The following KIRREL3 variants were observed in gnomAD, a reference collection of about 807,000 sequenced individuals.
KIRREL3 encodes kin of IRRE-like protein 3.
Under a neutral mutation model 89.7 loss-of-function variants are expected in KIRREL3, and 36 were observed. The ratio of observed to expected loss-of-function variants is 0.40; its 90% CI spans 0.31 to 0.53. The LOEUF is 0.53. Ranked by LOEUF, KIRREL3 falls within the 20% of genes least tolerant of loss-of-function variation. The pLI is 0.49. For missense variants in KIRREL3, 864 were observed against 1,056.6 expected (o/e 0.82, Z 2.53); for synonymous variants, 445 against 441.4 (o/e 1.01, Z -0.10).
Position 126,953,276 on chromosome 11 carries a change from CG to C in KIRREL3, c.55+47178del, listed in dbSNP as rs974484895. Among the ~76,000 whole-genome samples the C allele has an allele frequency of 6.7e-6, 1 of 150,284 alleles. No homozygotes were observed. Among genetic ancestry groups the C allele is most frequent in the African/African-American group, 2.5e-5 (1 of 40,642 alleles). On this transcript the variant is annotated intron_variant, in intron 1 of 16. Transcript: ENST00000525144. This position sits in a 1 kb window ranked among gnomAD's most constrained non-coding sequence, Gnocchi z 5.2. The stretch of plus-strand genomic sequence containing the variant: ...CATGTTCTCACTCATAAGTGGGTGT[CG>C]AACAATGAGAACACATGGACACAGG...
At chr11:126,952,363 C>A (rs147117071) in intron 1 of KIRREL3, among the ~76,000 whole-genome samples, 9 of 151,128 alleles carry the variant, frequency 6.0e-5, no homozygotes, top group African/African-American at 9.8e-5. Flanking sequence ...CCAGACTGGG[C>A]GAAAGAGCAA....
At position 126,883,482 on chromosome 11, in the gene KIRREL3, C is replaced by T. The variant is rs1945583191; in HGVS notation, c.55+116973G>A. The stretch of plus-strand genomic sequence containing the variant: ...CACCGTCACAATTTCCATGACCTTA[C>T]TCATGCTGGCAACTCTGCTTGAAAC... On this transcript the variant is annotated intron_variant, in intron 1 of 16. Transcript: ENST00000525144. This position sits in a 1 kb window ranked among gnomAD's most constrained non-coding sequence, Gnocchi z 4.1. Among the ~76,000 whole-genome samples, 2 of 152,108 alleles carry T rather than the reference C, an allele frequency of 1.3e-5. No homozygotes were observed. The highest frequency in any genetic ancestry group is 4.8e-5 in the African/African-American group (2 of 41,422).
At chr11:126,875,684 TG>T (rs1464173857) in intron 1 of KIRREL3, among the ~76,000 whole-genome samples, 2 of 152,240 alleles carry the variant, frequency 1.3e-5, no homozygotes, top group African/African-American at 4.8e-5. Flanking sequence ...AAAGTGACAG[TG>T]CTCTGGATAA....
In KIRREL3 at chr11:126,748,071, T is replaced by C. The variant is rs1252288493; in HGVS notation, c.56-185159A>G. 6.6e-6 allele frequency among the ~76,000 whole-genome samples: 1 copy of C among 152,176 alleles called. No homozygotes were observed. The highest frequency in any genetic ancestry group is 1.5e-5 in the Non-Finnish European group (1 of 68,024). On this transcript the variant is annotated intron_variant, in intron 1 of 16. Transcript: ENST00000525144. This position sits in a 1 kb window ranked among gnomAD's most constrained non-coding sequence, Gnocchi z 4.6. ...GTGACTGATTTATCTGCTCCTTGAA[T>C]CTGAGGAGGTTCACCTTTTAAGGTG...
chr11:126,612,204 A>C lies in KIRREL3; in HGVS notation c.56-49292T>G, dbSNP rs1437010211. ...TGGCATATAATAAGTGCTCCCTCAGAATTTGAGTATTATATGGACACCCTT... is the reference window on the plus strand; with the variant it reads ...TGGCATATAATAAGTGCTCCCTCAGCATTTGAGTATTATATGGACACCCTT... On this transcript the variant is annotated intron_variant, in intron 1 of 16. Coordinates refer to ENST00000525144, the MANE Select transcript of KIRREL3 (RefSeq NM_032531.4). The surrounding 1 kb of genome is among the most constrained non-coding windows in gnomAD (Gnocchi z 4.5). Among the ~76,000 whole-genome samples, 1 of 151,818 alleles carries C rather than the reference A, an allele frequency of 6.6e-6. No homozygotes were observed. The highest frequency in any genetic ancestry group is 1.5e-5 in the Non-Finnish European group (1 of 67,934).
intron 1 of KIRREL3, among the ~76,000 whole-genome samples, chr11:126,721,946 T>A (rs551492631): frequency 1.3e-5 from 2 of 152,318 alleles, no homozygotes; most frequent in African/African-American, 4.8e-5. Context: ...TCCAGAACCA[T>A]TTGTGAGTGC....
chr11:126,690,724 C>T (rs11220583), intron 1 of KIRREL3, among the ~76,000 whole-genome samples: 74,625 of 152,066 alleles, frequency 0.49, 20,159 homozygotes, highest in East Asian at 0.82. Flanking sequence ...TAGAAAGTTT[C>T]GTCTACAATA....
rs1216775993 is a variant in KIRREL3, at chr11:126,704,481, CTG to C, written c.56-141571_56-141570del. Reference sequence around the variant, plus strand: ...CAGTCTTGTCACTTAGAAGGTCTGTCTGAGAGACCTTGGTGGAGTGCAGCTTC... The same window carrying C: ...CAGTCTTGTCACTTAGAAGGTCTGTCAGAGACCTTGGTGGAGTGCAGCTTC... On this transcript the variant is annotated intron_variant, in intron 1 of 16. Transcript: ENST00000525144. This position sits in a 1 kb window ranked among gnomAD's most constrained non-coding sequence, Gnocchi z 4.2. Among the ~76,000 whole-genome samples, 4 of 152,224 alleles carry C rather than the reference CTG, an allele frequency of 2.6e-5. No homozygotes were observed. The highest frequency in any genetic ancestry group is 9.6e-5 in the African/African-American group (4 of 41,464).
chr11:126,663,375 C>T (rs919506070), intron 1 of KIRREL3, among the ~76,000 whole-genome samples: 21 of 151,808 alleles, frequency 1.4e-4, no homozygotes, highest in African/African-American at 3.4e-4. Context: ...TTAGTAGAGA[C>T]GGGGTTTCAC....
chr11:126,445,870 T>C (rs1315105649), intron 9 of KIRREL3, among the ~76,000 whole-genome samples: 1 of 152,168 alleles, frequency 6.6e-6, no homozygotes, highest in African/African-American at 2.4e-5. Flanking sequence ...ACACAAGGGC[T>C]GGACACGGTG....
Position 126,909,705 on chromosome 11 carries a change from C to A in KIRREL3, c.55+90750G>T, listed in dbSNP as rs189843869. On this transcript the variant is annotated intron_variant, in intron 1 of 16. Transcript: ENST00000525144. The surrounding 1 kb of genome is among the most constrained non-coding windows in gnomAD (Gnocchi z 4.5). ...TTGCTCTCCATAACCCTAGGGGAGG[C>A]AGGATCTTGACCTCAGAGATGACCT... Among the ~76,000 whole-genome samples the A allele has an allele frequency of 4.1e-3, 628 of 152,256 alleles. 2 individuals carry two copies. The highest frequency in any genetic ancestry group is 0.014 in the African/African-American group (587 of 41,546).
intron 1 of KIRREL3, among the ~76,000 whole-genome samples, chr11:126,972,615 C>T (rs539608536): frequency 1.3e-5 from 2 of 152,280 alleles, no homozygotes; most frequent in Admixed American, 6.5e-5. Flanking sequence ...TTATTTAGGC[C>T]ACCACAGAGC....
In KIRREL3 at chr11:126,837,970, G is replaced by T. The variant is rs1000102371; in HGVS notation, c.55+162485C>A. 6.6e-6 allele frequency among the ~76,000 whole-genome samples: 1 copy of T among 152,050 alleles called. No individual in the cohort carries two copies. The highest frequency in any genetic ancestry group is 1.9e-4 in the East Asian group (1 of 5,190). ...GATTTATCATTATCTTGGGTTATTT[G>T]GAATTCACGTTATTTATATTACTAA... is the stretch of plus-strand genomic sequence containing the variant. On this transcript the variant is annotated intron_variant, in intron 1 of 16. Coordinates refer to ENST00000525144, the MANE Select transcript of KIRREL3 (RefSeq NM_032531.4). The surrounding 1 kb of genome is among the most constrained non-coding windows in gnomAD (Gnocchi z 4.7).
chr11:126,602,335 C>T (rs1942696700), intron 1 of KIRREL3, among the ~76,000 whole-genome samples: 1 of 152,204 alleles, frequency 6.6e-6, no homozygotes, highest in South Asian at 2.1e-4. Flanking sequence ...AGCTTTCTAG[C>T]TCTTCTCCCA....
chr11:126,738,006 C>G (rs1948860659), intron 1 of KIRREL3, among the ~76,000 whole-genome samples: 1 of 152,178 alleles, frequency 6.6e-6, no homozygotes, highest in African/African-American at 2.4e-5. Context: ...CATTAACCAT[C>G]CCACTTTATC....
chr11:126,456,336 C>G lies in KIRREL3; in HGVS notation c.848+13G>C. On this transcript the variant is annotated intron_variant, in intron 7 of 16. Coordinates refer to ENST00000525144, the MANE Select transcript of KIRREL3 (RefSeq NM_032531.4). ...CAGTGGCCAGGCCGGGCCCCCTCAG[C>G]AGTGACTCTCACCTGTACTGGGTGA... The G allele has an allele frequency of 6.4e-7, 1 of 1,556,182 alleles. No homozygotes were observed. The highest frequency in any genetic ancestry group is 8.7e-7 in the Non-Finnish European group (1 of 1,145,476).
At position 126,870,502 on chromosome 11, in the gene KIRREL3, C is replaced by T. The variant is rs1945073024; in HGVS notation, c.55+129953G>A. On this transcript the variant is annotated intron_variant, in intron 1 of 16. Coordinates refer to ENST00000525144, the MANE Select transcript of KIRREL3 (RefSeq NM_032531.4). This position sits in a 1 kb window ranked among gnomAD's most constrained non-coding sequence, Gnocchi z 4.4. ...ACCGAAGTCTCCTGAAAGGCAGGTC[C>T]TTGCAAGAGGTAAAAGGCTCAGTAG... Among the ~76,000 whole-genome samples, 1 of 152,192 alleles carries T rather than the reference C, an allele frequency of 6.6e-6. No homozygotes were observed. Among genetic ancestry groups the T allele is most frequent in the African/African-American group, 2.4e-5 (1 of 41,448 alleles).
chr11:126,843,441 G>C lies in KIRREL3; in HGVS notation c.55+157014C>G, dbSNP rs959249970. Among the ~76,000 whole-genome samples, 2 of 152,092 alleles carry C rather than the reference G, an allele frequency of 1.3e-5. No individual in the cohort carries two copies. Among genetic ancestry groups the C allele is most frequent in the African/African-American group, 2.4e-5 (1 of 41,406 alleles). On this transcript the variant is annotated intron_variant, in intron 1 of 16. Coordinates refer to ENST00000525144, the MANE Select transcript of KIRREL3 (RefSeq NM_032531.4). The surrounding 1 kb of genome is among the most constrained non-coding windows in gnomAD (Gnocchi z 4.6). ...CTCACTCTGCCGTATATCCTACTGG[G>C]GAGAAACTCCATTCCCAAAGTCCTG... is the stretch of plus-strand genomic sequence containing the variant.
In KIRREL3 at chr11:126,802,535, A is replaced by C. The variant is rs928992997; in HGVS notation, c.55+197920T>G. ...CTTCCTCCCACATCCCAAAGCTGTC[A>C]CATGAGGTGACCTGGCATGTCTACA... On this transcript the variant is annotated intron_variant, in intron 1 of 16. Transcript: ENST00000525144. This position sits in a 1 kb window ranked among gnomAD's most constrained non-coding sequence, Gnocchi z 5.2. 5.9e-5 allele frequency among the ~76,000 whole-genome samples: 9 copies of C among 152,142 alleles called. No homozygotes were observed. Among genetic ancestry groups the C allele is most frequent in the Non-Finnish European group, 1.0e-4 (7 of 68,024 alleles).
Sources: allele counts gnomAD v4.1 joint callset (sites outside exome capture counted in the v4.1 genomes callset), GRCh38; gene constraint gnomAD v4.1.1; non-coding constraint Gnocchi (gnomAD v3.1); transcripts MANE v1.5; gene names NCBI Gene and HGNC (gene_info 2026-07-23, HGNC 2026-07-21).